ATG7: variants seen among roughly 807,000 people sequenced by gnomAD.
The protein encoded by ATG7 is ubiquitin-like modifier-activating enzyme ATG7.
ATG7 carries 70 observed loss-of-function variants against 82.4 expected under a neutral mutation model. That is an observed-to-expected ratio of 0.85 (90% CI 0.70 to 1.04). The LOEUF (loss-of-function observed/expected upper bound fraction) is 1.04. ATG7 is among the 50% of genes least tolerant of loss of function. The pLI is 0.00. For synonymous variants in ATG7, 287 were observed against 313.0 expected (o/e 0.92, Z 0.88); for missense variants, 792 against 864.3 (o/e 0.92, Z 1.05).
Position 11,372,841 on chromosome 3 carries a change from C to T in ATG7, c.1876-7131C>T, listed in dbSNP as rs1225117541. On this transcript the variant is annotated intron_variant, in intron 18 of 20. Transcript: ENST00000693202. ...GCGCGCGTGTGCGTGTGTGTGCGTGCGTGCGTGTGCGTGTGTGTGTGTGAA... is the reference window on the plus strand; with the variant it reads ...GCGCGCGTGTGCGTGTGTGTGCGTGTGTGCGTGTGCGTGTGTGTGTGTGAA... Among the ~76,000 whole-genome samples, 21 of 15,844 alleles carry T rather than the reference C, an allele frequency of 1.3e-3. No individual in the cohort carries two copies. In the East Asian group the frequency reaches 0.095, roughly 72 times the overall value. 10.4% of individuals were successfully genotyped at this position (15,844 alleles called of 152,430 possible). A position where few individuals can be genotyped will look rare whatever the true frequency, so the allele number is the denominator to read the frequency against.
At position 11,455,490 on chromosome 3, in the gene ATG7, C is replaced by G. The variant is rs575750289; in HGVS notation, c.2079+28564C>G. Reference sequence around the variant, plus strand: ...AGTAGGGCATCTGAGCCTATTCTGGCCTCCAGCATACTCATTTTGTATAAA... The same window carrying G: ...AGTAGGGCATCTGAGCCTATTCTGGGCTCCAGCATACTCATTTTGTATAAA... On this transcript the variant is annotated intron_variant, in intron 20 of 20. Coordinates refer to ENST00000693202, the MANE Select transcript of ATG7 (RefSeq NM_001349232.2). 2.0e-5 allele frequency among the ~76,000 whole-genome samples: 3 copies of G among 152,282 alleles called. No homozygotes were observed. In the East Asian group the frequency reaches 5.8e-4, roughly 29 times the overall value.
Position 11,315,401 on chromosome 3 carries a change from C to T in ATG7, c.586C>T (p.Leu196Phe). ...NLCQTEGVTA[L>F]PYFLIKYDEN... The stretch of plus-strand genomic sequence containing the variant: ...TTGTCAAACAGAAGGAGTCACAGCT[C>T]TTCCTTACTTCTTAATCAAGTATGA... The change falls in exon 9 of 21, where the codon CTT (leucine) becomes TTT (phenylalanine). Residue 196 changes from leucine to phenylalanine, a missense_variant. Coordinates refer to ENST00000693202, the MANE Select transcript of ATG7 (RefSeq NM_001349232.2). 1 of 1,612,200 alleles carries T rather than the reference C, an allele frequency of 6.2e-7. No homozygotes were observed. The highest frequency in any genetic ancestry group is 8.5e-7 in the Non-Finnish European group (1 of 1,179,062).
intron 20 of ATG7, among the ~76,000 whole-genome samples, chr3:11,469,151 C>T (rs2087141624): frequency 1.3e-5 from 2 of 152,174 alleles, no homozygotes; most frequent in African/African-American, 4.8e-5. Context: ...ATAGATCTGG[C>T]TTTAAGAGTA....
At chr3:11,326,758 A>G (rs1417144632) in intron 9 of ATG7, among the ~76,000 whole-genome samples, 1 of 152,218 alleles carries the variant, frequency 6.6e-6, no homozygotes, top group East Asian at 1.9e-4. Context: ...GGGTGGCCAC[A>G]TGGACCAGAA....
At chr3:11,515,209 G>A (rs1227198113) in intron 20 of ATG7, among the ~76,000 whole-genome samples, 1 of 152,094 alleles carries the variant, frequency 6.6e-6, no homozygotes, top group Non-Finnish European at 1.5e-5. Flanking sequence ...TCAAGAAAAG[G>A]GACACTATAA....
At chr3:11,563,830 G>C in the ATG7 span, among the ~76,000 whole-genome samples, 1 of 152,198 alleles carries the variant, frequency 6.6e-6, no homozygotes, top group Non-Finnish European at 1.5e-5. Flanking sequence ...ATGGGCAACT[G>C]TTCTCAGCTT....
At chr3:11,484,693 C>T (rs2089423246) in intron 20 of ATG7, among the ~76,000 whole-genome samples, 1 of 152,158 alleles carries the variant, frequency 6.6e-6, no homozygotes, top group African/African-American at 2.4e-5. Flanking sequence ...AAAGCTATCC[C>T]TCCCCTGACC....
At chr3:11,538,878 A>AAAAAAAAAAAG (rs1553711515) in intron 20 of ATG7, among the ~76,000 whole-genome samples, 13 of 151,156 alleles carry the variant, frequency 8.6e-5, no homozygotes, top group Non-Finnish European at 1.6e-4. Flanking sequence ...TTGTCTCAAA[A>AAAAAAAAAAAG]AAAAAGAAAA....
At chr3:11,275,200 G>A (rs1941445806) in intron 1 of ATG7, among the ~76,000 whole-genome samples, 2 of 152,150 alleles carry the variant, frequency 1.3e-5, no homozygotes, top group African/African-American at 4.8e-5. Flanking sequence ...TGAATTTGCT[G>A]TGTGGAATTG....
chr3:11,485,432 T>G (rs1250461508), intron 20 of ATG7, among the ~76,000 whole-genome samples: 10 of 152,236 alleles, frequency 6.6e-5, no homozygotes, highest in African/African-American at 2.4e-4. Flanking sequence ...TTGTAGATTC[T>G]GGACATTAGC....
chr3:11,573,510 T>G, the ATG7 span, among the ~76,000 whole-genome samples: 217 of 152,266 alleles, frequency 1.4e-3, no homozygotes, highest in African/African-American at 5.0e-3. Flanking sequence ...CTTCAACACA[T>G]GTGACCAGAA....
At chr3:11,564,061 T>C in the ATG7 span, among the ~76,000 whole-genome samples, 1 of 152,184 alleles carries the variant, frequency 6.6e-6, no homozygotes, top group South Asian at 2.1e-4. Context: ...TCTTAGCAAA[T>C]GCTGACTACT....
intron 20 of ATG7, among the ~76,000 whole-genome samples, chr3:11,508,900 T>C (rs1408959422): frequency 6.6e-6 from 1 of 152,310 alleles, no homozygotes; most frequent in African/African-American, 2.4e-5. Flanking sequence ...ACAAAACTAA[T>C]AACAAATTAA....
chr3:11,331,455 G>A lies in ATG7; in HGVS notation c.767+27G>A, dbSNP rs753904614. The A allele has an allele frequency of 2.6e-6, 4 of 1,512,270 alleles. No individual in the cohort carries two copies. In the African/African-American group the frequency reaches 5.5e-5, roughly 21 times the overall value. 93.7% of individuals were successfully genotyped at this position (1,512,270 alleles called of 1,614,324 possible). On this transcript the variant is annotated intron_variant, in intron 10 of 20. Transcript: ENST00000693202. ...TATTTACAAGAGTGTGTGTTTGTCTGTCTGTCTGCCTTTGCCAGTATATGT... is the reference window on the plus strand; with the variant it reads ...TATTTACAAGAGTGTGTGTTTGTCTATCTGTCTGCCTTTGCCAGTATATGT...
chr3:11,415,888 G>C (rs566263879), intron 19 of ATG7, among the ~76,000 whole-genome samples: 1 of 151,870 alleles, frequency 6.6e-6, no homozygotes, highest in Admixed American at 6.6e-5. Flanking sequence ...ATAATTGTAC[G>C]TGGTACACTT....
Position 11,376,529 on chromosome 3 carries a change from C to G in ATG7, c.1876-3443C>G, listed in dbSNP as rs2077427423. ...GAACACTTAGATATGTAGCTGTCAC[C>G]AAAAGGAAGAGTTTTGAGTCACAGA... On this transcript the variant is annotated intron_variant, in intron 18 of 20. Transcript: ENST00000693202. Among the ~76,000 whole-genome samples the G allele has an allele frequency of 1.3e-5, 2 of 151,852 alleles. 1 individual carries two copies. The highest frequency in any genetic ancestry group is 4.2e-4 in the South Asian group (2 of 4,808).
At chr3:11,564,917 G>C in the ATG7 span, 1 of 1,598,152 alleles carries the variant, frequency 6.3e-7, no homozygotes, top group East Asian at 2.3e-5. Context: ...AGGTGTACAG[G>C]TGGCTGCCGT....
Position 11,433,291 on chromosome 3 carries a change from A to T in ATG7, c.2079+6365A>T, listed in dbSNP as rs1349046918. 3.4e-4 allele frequency among the ~76,000 whole-genome samples: 24 copies of T among 71,602 alleles called. 1 individual carries two copies. Among genetic ancestry groups the T allele is most frequent in the African/African-American group, 1.5e-3 (18 of 11,686 alleles). 47.0% of individuals were successfully genotyped at this position (71,602 alleles called of 152,430 possible). A position where few individuals can be genotyped will look rare whatever the true frequency, so the allele number is the denominator to read the frequency against. On this transcript the variant is annotated intron_variant, in intron 20 of 20. Coordinates refer to ENST00000693202, the MANE Select transcript of ATG7 (RefSeq NM_001349232.2). The stretch of plus-strand genomic sequence containing the variant: ...AGAGCAAGACCCTGTCTCTTATTTA[A>T]AAAAAAAAAAAAAAAAAAAAAAAAG...
chr3:11,562,740 C>T, the ATG7 span, among the ~76,000 whole-genome samples: 1 of 152,246 alleles, frequency 6.6e-6, no homozygotes, highest in Admixed American at 6.5e-5. Flanking sequence ...GCAGGACTGA[C>T]CAACCCCAGC....
Sources: allele counts gnomAD v4.1 joint callset (sites outside exome capture counted in the v4.1 genomes callset), GRCh38; gene constraint gnomAD v4.1.1; transcripts MANE v1.5; gene names NCBI Gene and HGNC (gene_info 2026-07-23, HGNC 2026-07-21).